The following ADAMTS13 variants were observed in gnomAD, a reference collection of about 807,000 sequenced individuals.
ADAMTS13 encodes A disintegrin and metalloproteinase with thrombospondin motifs 13.
In ADAMTS13, 110 loss-of-function variants were observed where a neutral mutation model predicts 155.1. That is an observed-to-expected ratio of 0.71 (90% CI 0.61 to 0.83). The LOEUF is 0.83. ADAMTS13 is among the 40% of genes least tolerant of loss of function. ADAMTS13 has a pLI of 0.00. For missense variants in ADAMTS13, 1,707 were observed against 1,891.7 expected (o/e 0.90, Z 1.81); for synonymous variants, 758 against 756.4 (o/e 1.00, Z -0.03).
exon 1 of ADAMTS13, chr9:133,414,363 G>A (rs920010066): frequency 5.1e-6 from 3 of 593,332 alleles, no homozygotes; most frequent in Non-Finnish European, 9.5e-6. Context: ...CCACCCAACT[G>A]GCGAGAAGCA....
Position 133,459,236 on chromosome 9 carries a change from C to A in ADAMTS13, c.*56C>A. ...CAGCCCTGGAGGGTTGACCCCTGGT[C>A]TCAGTGCTTTCCAATTCGAACTTTT... On this transcript the variant is annotated 3_prime_UTR_variant, in exon 29 of 29. Transcript: ENST00000355699. 2 of 1,507,646 alleles carry A rather than the reference C, an allele frequency of 1.3e-6. No homozygotes were observed. Among genetic ancestry groups the A allele is most frequent in the South Asian group, 2.4e-5 (2 of 83,824 alleles). 93.4% of individuals were successfully genotyped at this position (1,507,646 alleles called of 1,614,324 possible). A position where few individuals can be genotyped will look rare whatever the true frequency, so the allele number is the denominator to read the frequency against.
At chr9:133,447,674 C>T (rs767130619) in intron 21 of ADAMTS13, among the ~76,000 whole-genome samples, 33 of 151,568 alleles carry the variant, frequency 2.2e-4, no homozygotes, top group Non-Finnish European at 2.1e-4. Flanking sequence ...CTGCAACCTC[C>T]GCCTCCCATG....
At chr9:133,457,259 G>C (rs978972330) in intron 27 of ADAMTS13, among the ~76,000 whole-genome samples, 3 of 152,182 alleles carry the variant, frequency 2.0e-5, no homozygotes, top group African/African-American at 7.2e-5. Context: ...CGAGCTGGCC[G>C]AAGTTGGCTT....
At chr9:133,423,424 CCCT>C (rs1421536340) in intron 2 of ADAMTS13, among the ~76,000 whole-genome samples, 2 of 152,196 alleles carry the variant, frequency 1.3e-5, no homozygotes, top group African/African-American at 4.8e-5. Flanking sequence ...ATTGGCTGGC[CCCT>C]CCTGCCCCAT....
Position 133,424,194 on chromosome 9 carries a change from G to C in ADAMTS13, c.173-127G>C. On this transcript the variant is annotated intron_variant, in intron 2 of 28. Transcript: ENST00000355699. The surrounding 1 kb of genome is among the most constrained non-coding windows in gnomAD (Gnocchi z 4.3). ...ACTAATGGGGTCTGGCTCTTGGGGT[G>C]GGGGTGACACGCAATGTCTTGACTT... 1.4e-6 allele frequency: 2 copies of C among 1,445,074 alleles called. No individual in the cohort carries two copies. The highest frequency in any genetic ancestry group is 1.9e-6 in the Non-Finnish European group (2 of 1,043,676). 89.5% of individuals were successfully genotyped at this position (1,445,074 alleles called of 1,614,324 possible). A position where few individuals can be genotyped will look rare whatever the true frequency, so the allele number is the denominator to read the frequency against.
At chr9:133,449,177 A>G (rs782819268) in intron 22 of ADAMTS13, among the ~76,000 whole-genome samples, 1 of 152,164 alleles carries the variant, frequency 6.6e-6, no homozygotes, top group Non-Finnish European at 1.5e-5. Context: ...TGTAAAGTAC[A>G]TTGCACAGGA....
intron 5 of ADAMTS13, 67 bp from the exon 6 acceptor site, chr9:133,426,132 T>G (rs1840265277): frequency 1.2e-6 from 2 of 1,613,830 alleles, no homozygotes; most frequent in East Asian, 2.2e-5. Flanking sequence ...TCCTGCCCTC[T>G]GCAAAGGTGA....
Position 133,423,115 on chromosome 9 carries a change from T to A in ADAMTS13, c.120T>A (p.Ala40=). 6.2e-7 allele frequency: 1 copy of A among 1,613,946 alleles called. No individual in the cohort carries two copies. Among genetic ancestry groups the A allele is most frequent in the Non-Finnish European group, 8.5e-7 (1 of 1,179,958 alleles). ...TTGTCTTGCAGAGTTGTCTTCAGGC[T>A]TTGGAGCCACAGGCCGTGTCTTCTT... ...PSHFQQSCLQ[A]LEPQAVSSYL... Residue 40 remains alanine, a synonymous_variant, in exon 2 of 29, where the codon GCT becomes GCA. Transcript: ENST00000355699.
chr9:133,445,886 G>A lies in ADAMTS13; in HGVS notation c.2731+67G>A, dbSNP rs949490552. On this transcript the variant is annotated intron_variant, in intron 21 of 28. Transcript: ENST00000355699. This position sits in a 1 kb window ranked among gnomAD's most constrained non-coding sequence, Gnocchi z 5.0. ...TAACTCTCCTGTCCACTTGCATCTT[G>A]CCTCGTTCTGAAAAGCATTTGAGGT... 1 of 1,508,472 alleles carries A rather than the reference G, an allele frequency of 6.6e-7. No individual in the cohort carries two copies. 93.4% of individuals were successfully genotyped at this position (1,508,472 alleles called of 1,614,324 possible).
At position 133,458,977 on chromosome 9, in the gene ADAMTS13, C is replaced by A. The variant is rs1345844859; in HGVS notation, c.3913C>A (p.Arg1305=). 1.9e-6 allele frequency: 3 copies of A among 1,612,818 alleles called. No homozygotes were observed. Among genetic ancestry groups the A allele is most frequent in the Non-Finnish European group, 2.5e-6 (3 of 1,179,860 alleles). ...EGANASYILI[R]DTHSLRTTAF... ...TGGGCTGCCCCTTTTCTCTCAGATC[C>A]GGGACACCCACAGCTTGAGGACCAC... Residue 1305 remains arginine (R), a synonymous_variant, in exon 29 of 29, where the codon CGG becomes AGG. Coordinates refer to ENST00000355699, the MANE Select transcript of ADAMTS13 (RefSeq NM_139027.6).
Position 133,445,939 on chromosome 9 carries a change from G to A in ADAMTS13, c.2731+120G>A. 1 of 1,379,612 alleles carries A rather than the reference G, an allele frequency of 7.2e-7. No individual in the cohort carries two copies. Among genetic ancestry groups the A allele is most frequent in the Non-Finnish European group, 9.6e-7 (1 of 1,037,484 alleles). The allele number at this position is 1,379,612 out of a possible 1,614,324, so 85.5% of individuals were successfully genotyped here. ...ATTGCAGAAAATCCAGACTATATGGGAACACGTGGTAATACACAAGGAGAC... is the reference window on the plus strand; with the variant it reads ...ATTGCAGAAAATCCAGACTATATGGAAACACGTGGTAATACACAAGGAGAC... On this transcript the variant is annotated intron_variant, in intron 21 of 28. Transcript: ENST00000355699. This position sits in a 1 kb window ranked among gnomAD's most constrained non-coding sequence, Gnocchi z 5.0.
rs1841659446 is a variant in ADAMTS13, at chr9:133,441,346, G to T, written c.1968+821G>T. On this transcript the variant is annotated intron_variant, in intron 16 of 28. Transcript: ENST00000355699. The surrounding 1 kb of genome is among the most constrained non-coding windows in gnomAD (Gnocchi z 5.0). ...TTATCCCTTCTCTTCCCCTGATATG[G>T]TTCCCTTCCTCCCCTCCCCTTGCCT... 6.6e-6 allele frequency among the ~76,000 whole-genome samples: 1 copy of T among 152,186 alleles called. No homozygotes were observed. Among genetic ancestry groups the T allele is most frequent in the African/African-American group, 2.4e-5 (1 of 41,446 alleles).
upstream of ADAMTS13, among the ~76,000 whole-genome samples, chr9:133,419,545 G>A (rs1222837519): frequency 6.6e-6 from 1 of 152,158 alleles, no homozygotes; most frequent in Non-Finnish European, 1.5e-5. Flanking sequence ...CTCTCCAGGG[G>A]CGAAGCAGCA....
chr9:133,457,881 G>A, intron 27 of ADAMTS13, 29 bp from the exon 28 acceptor site: 1 of 1,613,548 alleles, frequency 6.2e-7, no homozygotes, highest in Non-Finnish European at 8.5e-7. Context: ...GTCTGTCTGG[G>A]TTCCTATGTC....
intron 19 of ADAMTS13, among the ~76,000 whole-genome samples, chr9:133,444,615 C>T (rs587714628): frequency 1.0e-3 from 153 of 152,342 alleles, no homozygotes; most frequent in Non-Finnish European, 1.7e-3. Flanking sequence ...TGTCTCTGCA[C>T]CCTGGGTGCA....
At chr9:133,451,940 G>A (rs988489601) in intron 23 of ADAMTS13, among the ~76,000 whole-genome samples, 2 of 146,258 alleles carry the variant, frequency 1.4e-5, no homozygotes, top group Admixed American at 1.4e-4. Context: ...TTTAAACCCT[G>A]TACTAATCTG....
At chr9:133,419,884 G>T (rs1839881100), upstream of ADAMTS13, among the ~76,000 whole-genome samples, 2 of 147,534 alleles carry the variant, frequency 1.4e-5, no homozygotes, top group Non-Finnish European at 3.0e-5. Flanking sequence ...AACTACAGGT[G>T]CACGCCACCA....
At chr9:133,434,723 G>T (rs1841048455) in intron 11 of ADAMTS13, among the ~76,000 whole-genome samples, 1 of 152,200 alleles carries the variant, frequency 6.6e-6, no homozygotes, top group South Asian at 2.1e-4. Flanking sequence ...CCTCTGTCTA[G>T]TTTCAGAACG....
intron 11 of ADAMTS13, among the ~76,000 whole-genome samples, chr9:133,434,259 A>G (rs1841012699): frequency 6.6e-6 from 1 of 152,090 alleles, no homozygotes; most frequent in Non-Finnish European, 1.5e-5. Flanking sequence ...GAACCTCCCC[A>G]CTAGGAATAC....
Sources: allele counts gnomAD v4.1 joint callset (sites outside exome capture counted in the v4.1 genomes callset), GRCh38; gene constraint gnomAD v4.1.1; non-coding constraint Gnocchi (gnomAD v3.1); transcripts MANE v1.5; gene names NCBI Gene and HGNC (gene_info 2026-07-23, HGNC 2026-07-21).